The following DPP10 variants were observed in gnomAD, a reference collection of about 807,000 sequenced individuals.
DPP10 encodes the protein dipeptidyl peptidase like 10.
DPP10 carries 33 observed loss-of-function variants against 120.9 expected under a neutral mutation model. The observed-to-expected ratio is 0.27, with a 90% CI of 0.21 to 0.37. DPP10 has a LOEUF of 0.37. Ranked by LOEUF, DPP10 falls within the 10% of genes least tolerant of loss-of-function variation. DPP10 has a pLI of 1.00. For missense variants in DPP10, 816 were observed against 942.8 expected, an observed-to-expected ratio of 0.87 and a Z score of 1.76; for synonymous variants, 337 against 326.1, an observed-to-expected ratio of 1.03 and a Z score of -0.36.
chr2:114,701,188 A>G (rs1272817404), intron 1 of DPP10, among the ~76,000 whole-genome samples: 1 of 152,126 alleles, frequency 6.6e-6, no homozygotes, highest in East Asian at 1.9e-4. Flanking sequence ...GTAATTCTTA[A>G]GTGCTAACAT....
At chr2:115,432,662 TGTG>T (rs1559597766) in intron 3 of DPP10, among the ~76,000 whole-genome samples, 962 of 80,272 alleles carry the variant, frequency 0.012, 13 homozygotes, top group Middle Eastern at 0.049. Context: ...GGCAATTTTG[TGTG>T]TGTGTGTGTG....
At chr2:114,832,498 C>A (rs968217516) in intron 1 of DPP10, among the ~76,000 whole-genome samples, 1 of 152,150 alleles carries the variant, frequency 6.6e-6, no homozygotes, top group Non-Finnish European at 1.5e-5. Context: ...TCGCACCACT[C>A]CACTCCAGCC....
chr2:114,602,660 A>C (rs1196038858), intron 1 of DPP10, among the ~76,000 whole-genome samples: 2 of 152,020 alleles, frequency 1.3e-5, no homozygotes, highest in Admixed American at 1.3e-4. Flanking sequence ...TTAACACCAG[A>C]AGGCAAGGGC....
intron 4 of DPP10, among the ~76,000 whole-genome samples, chr2:115,500,182 A>G (rs182229813): frequency 1.3e-5 from 2 of 152,118 alleles, no homozygotes; most frequent in East Asian, 3.9e-4. Context: ...TGAAAAATCT[A>G]GTACCCTAAG....
At chr2:115,286,366 G>A (rs923170862) in intron 1 of DPP10, among the ~76,000 whole-genome samples, 10 of 148,954 alleles carry the variant, frequency 6.7e-5, no homozygotes, top group South Asian at 6.3e-4. Context: ...ACTAAGCTTC[G>A]TTTTAAGATA....
chr2:114,943,977 A>G (rs983548108), intron 1 of DPP10, among the ~76,000 whole-genome samples: 1 of 152,084 alleles, frequency 6.6e-6, no homozygotes, highest in Non-Finnish European at 1.5e-5. Flanking sequence ...ACAGTGTCCC[A>G]TTGTGTTAGT....
intron 1 of DPP10, among the ~76,000 whole-genome samples, chr2:114,720,435 G>A (rs1701630616): frequency 6.6e-6 from 1 of 152,116 alleles, no homozygotes; most frequent in Non-Finnish European, 1.5e-5. Flanking sequence ...TCATCCCCCA[G>A]AAATCTGTCA....
In DPP10 at chr2:115,842,426, C is replaced by T; in HGVS notation, c.*81C>T. 1.3e-6 allele frequency: 2 copies of T among 1,498,864 alleles called. No homozygotes were observed. The highest frequency in any genetic ancestry group is 4.6e-5 in the East Asian group (2 of 43,488). The allele number at this position is 1,498,864 out of a possible 1,614,324, so 92.8% of individuals were successfully genotyped here. ...AAGAGACTGTAATATTGTAGTTGCTCCAGAATGTCAAGGGCAGCTTACGGA... is the reference window on the plus strand; with the variant it reads ...AAGAGACTGTAATATTGTAGTTGCTTCAGAATGTCAAGGGCAGCTTACGGA... On this transcript the variant is annotated 3_prime_UTR_variant, in exon 26 of 26. Transcript: ENST00000410059.
intron 1 of DPP10, among the ~76,000 whole-genome samples, chr2:115,033,959 G>A (rs543950773): frequency 4.6e-4 from 63 of 136,026 alleles, no homozygotes; most frequent in South Asian, 1.6e-3. Context: ...GTGCAGTGGT[G>A]CAATCTTGGC....
At chr2:115,384,413 GA>G (rs2066697610) in intron 3 of DPP10, among the ~76,000 whole-genome samples, 1 of 58,140 alleles carries the variant, frequency 1.7e-5, no homozygotes, top group Non-Finnish European at 7.7e-5. Flanking sequence ...AGAAGGAGAA[GA>G]AGAAGAAGAA....
intron 1 of DPP10, among the ~76,000 whole-genome samples, chr2:114,638,192 C>G (rs2105412217): frequency 6.6e-6 from 1 of 151,790 alleles, no homozygotes; most frequent in Admixed American, 6.6e-5. Flanking sequence ...AGAGATCCTT[C>G]ATCTCCTTGG....
At chr2:115,489,546 A>G (rs2075984019) in intron 3 of DPP10, among the ~76,000 whole-genome samples, 1 of 152,056 alleles carries the variant, frequency 6.6e-6, no homozygotes, top group African/African-American at 2.4e-5. Flanking sequence ...TTAAAAACAA[A>G]TAAAAGGCCA....
intron 1 of DPP10, among the ~76,000 whole-genome samples, chr2:114,811,085 A>C (rs1262328210): frequency 1.3e-5 from 2 of 152,192 alleles, no homozygotes; most frequent in African/African-American, 2.4e-5. Context: ...GGAAGAAAAC[A>C]ATCAAATGCT....
At chr2:115,452,634 A>G (rs914083881) in intron 3 of DPP10, among the ~76,000 whole-genome samples, 1 of 151,858 alleles carries the variant, frequency 6.6e-6, no homozygotes, top group Non-Finnish European at 1.5e-5. Context: ...TTTTCCATAG[A>G]TCTTCATCAT....
chr2:115,463,881 T>G (rs767365931), intron 3 of DPP10, among the ~76,000 whole-genome samples: 7 of 152,118 alleles, frequency 4.6e-5, no homozygotes, highest in Non-Finnish European at 1.0e-4. Flanking sequence ...TGTGAATTCC[T>G]TTTCTTTTTT....
intron 1 of DPP10, among the ~76,000 whole-genome samples, chr2:114,854,831 T>A (rs555244256): frequency 6.6e-6 from 1 of 152,202 alleles, no homozygotes; most frequent in African/African-American, 2.4e-5. Context: ...TTATTTAATT[T>A]GAGAAGGTGG....
intron 1 of DPP10, among the ~76,000 whole-genome samples, chr2:114,578,670 G>A (rs1478601670): frequency 6.6e-6 from 1 of 152,146 alleles, no homozygotes; most frequent in Non-Finnish European, 1.5e-5. Flanking sequence ...TTCTCATAGA[G>A]ATCAATTATA....
chr2:115,640,013 A>T (rs914928131), intron 5 of DPP10, among the ~76,000 whole-genome samples: 5 of 151,554 alleles, frequency 3.3e-5, no homozygotes, highest in African/African-American at 1.2e-4. Context: ...TGGCAAATAA[A>T]TTATTCATGT....
intron 4 of DPP10, among the ~76,000 whole-genome samples, chr2:115,521,945 T>G (rs1417491205): frequency 1.3e-5 from 2 of 152,170 alleles, no homozygotes; most frequent in Non-Finnish European, 2.9e-5. Flanking sequence ...TCCCAAGAAT[T>G]GTTTTTAAGC....
Sources: gnomAD v4.1 joint callset for allele counts (sites outside exome capture counted in the v4.1 genomes callset) on GRCh38, gnomAD v4.1.1 for gene constraint, MANE v1.5 for transcripts, NCBI Gene and HGNC (gene_info 2026-07-23, HGNC 2026-07-21) for gene names.